The following ZBTB20 variants were observed in gnomAD, a reference collection of about 807,000 sequenced individuals.
ZBTB20 encodes the protein zinc finger and BTB domain-containing protein 20.
A neutral mutation model predicts 56.9 loss-of-function variants in ZBTB20; 9 were observed. The ratio of observed to expected loss-of-function variants is 0.16; its 90% confidence interval spans 0.10 to 0.28. ZBTB20 has a LOEUF of 0.28. Among genes scored for constraint, ZBTB20 ranks in the 10% least tolerant of loss-of-function variants. The probability of loss-of-function intolerance (pLI) is 1.00; values close to 1 mark genes in which losing one functional copy is unlikely to be tolerated. For missense variants in ZBTB20, 655 were observed against 1,003.0 expected (o/e 0.65, Z 4.69); for synonymous variants, 417 against 420.7 (o/e 0.99, Z 0.11).
intron 10 of ZBTB20, among the ~76,000 whole-genome samples, chr3:114,372,658 C>T (rs918882290): frequency 3.3e-5 from 5 of 151,854 alleles, no homozygotes; most frequent in African/African-American, 1.2e-4. Flanking sequence ...TCAAATCTCA[C>T]CTCTAAAATA....
At position 114,751,289 on chromosome 3, in the gene ZBTB20, C is replaced by T. The variant is rs183159919; in HGVS notation, c.-343+49812G>A. On this transcript the variant is annotated intron_variant, in intron 5 of 11. Transcript: ENST00000675478. ...CAAGAACTCTACCAAGGACTATACA[C>T]ACTCACCATGTAATGAAGATATTAT... 3.3e-3 allele frequency among the ~76,000 whole-genome samples: 500 copies of T among 152,246 alleles called. 4 individuals carry two copies. The highest frequency in any genetic ancestry group is 0.011 in the African/African-American group (471 of 41,568).
chr3:114,921,827 A>G (rs2075971550), intron 3 of ZBTB20, among the ~76,000 whole-genome samples: 1 of 152,090 alleles, frequency 6.6e-6, no homozygotes, highest in African/African-American at 2.4e-5. Flanking sequence ...ACAAACCTGC[A>G]CGTTGTGCAC....
At chr3:114,714,675 A>T (rs2064337313) in intron 5 of ZBTB20, among the ~76,000 whole-genome samples, 1 of 152,226 alleles carries the variant, frequency 6.6e-6, no homozygotes, top group Admixed American at 6.5e-5. Flanking sequence ...ACATTATACA[A>T]GGTGCAGGCT....
chr3:114,676,841 C>T (rs1347294834), intron 6 of ZBTB20, among the ~76,000 whole-genome samples: 1 of 144,384 alleles, frequency 6.9e-6, no homozygotes, highest in Non-Finnish European at 1.5e-5. Flanking sequence ...GTGGCACGAT[C>T]TGGGCTCACT....
chr3:114,709,642 G>T (rs1019054656), intron 5 of ZBTB20, among the ~76,000 whole-genome samples: 1 of 152,118 alleles, frequency 6.6e-6, no homozygotes, highest in African/African-American at 2.4e-5. Context: ...AAGTGCTAGG[G>T]CCTTTCCATA....
At chr3:114,664,695 T>C (rs1289521334) in intron 6 of ZBTB20, among the ~76,000 whole-genome samples, 2 of 151,976 alleles carry the variant, frequency 1.3e-5, no homozygotes, top group Admixed American at 1.3e-4. Context: ...AGCTGCTTTA[T>C]ATATGCAGCA....
intron 5 of ZBTB20, chr3:114,710,255 CA>C (rs1434728416): frequency 2.6e-5 from 4 of 152,088 alleles, no homozygotes; most frequent in Non-Finnish European, 5.9e-5. Context: ...TAATATGGGA[CA>C]TGTATATTTA....
chr3:114,452,899 C>A (rs1044658298), intron 7 of ZBTB20, among the ~76,000 whole-genome samples: 1 of 151,934 alleles, frequency 6.6e-6, no homozygotes, highest in Non-Finnish European at 1.5e-5. Flanking sequence ...TGTTTAGTTT[C>A]GTGTCTATAA....
At chr3:115,048,732 T>A (rs2081428482) in intron 2 of ZBTB20, among the ~76,000 whole-genome samples, 1 of 152,190 alleles carries the variant, frequency 6.6e-6, no homozygotes, top group African/African-American at 2.4e-5. Context: ...GTGAAACCAA[T>A]GATTTACCCT....
At chr3:114,800,246 G>A (rs2071615463) in intron 5 of ZBTB20, among the ~76,000 whole-genome samples, 2 of 151,892 alleles carry the variant, frequency 1.3e-5, no homozygotes, top group South Asian at 2.1e-4. Flanking sequence ...ACCTTTGAGT[G>A]CAGCATTAAA....
intron 2 of ZBTB20, among the ~76,000 whole-genome samples, chr3:115,017,675 A>T (rs1037063997): frequency 1.3e-5 from 2 of 151,540 alleles, no homozygotes; most frequent in African/African-American, 4.8e-5. Flanking sequence ...TAAGGATTTT[A>T]AAAAGTTAAA....
At chr3:114,774,734 T>A (rs766781096) in intron 5 of ZBTB20, among the ~76,000 whole-genome samples, 22 of 152,216 alleles carry the variant, frequency 1.4e-4, no homozygotes, top group Non-Finnish European at 2.9e-4. Context: ...TCTGCTTTGC[T>A]TAACCTTCTC....
chr3:114,984,640 T>C (rs557678121), intron 2 of ZBTB20, among the ~76,000 whole-genome samples: 1 of 152,216 alleles, frequency 6.6e-6, no homozygotes, highest in African/African-American at 2.4e-5. Context: ...AAGACACCTA[T>C]GAATGGCCTT....
At chr3:114,989,435 G>A (rs2078701305) in intron 2 of ZBTB20, among the ~76,000 whole-genome samples, 1 of 152,080 alleles carries the variant, frequency 6.6e-6, no homozygotes, top group East Asian at 1.9e-4. Context: ...TATTTCTGAG[G>A]GCTCTGTTCT....
chr3:114,551,152 T>G (rs954638397), intron 6 of ZBTB20, among the ~76,000 whole-genome samples: 1 of 152,224 alleles, frequency 6.6e-6, no homozygotes, highest in Non-Finnish European at 1.5e-5. Context: ...AATCGATTGT[T>G]TTTTAATCGA....
chr3:114,361,314 T>G (rs1983393), intron 10 of ZBTB20, among the ~76,000 whole-genome samples: 150,049 of 152,324 alleles, frequency 0.99, 73,914 homozygotes, highest in East Asian at 1. Context: ...TCCTCACCAA[T>G]TCTTATCATC....
rs1466553790 is a variant in ZBTB20 at position 114,930,516 on chromosome 3, C to G, written c.-455-30174G>C. 5 of 154,944 alleles carry G rather than the reference C, an allele frequency of 3.2e-5. No homozygotes were observed. The Admixed American group carries it at 3.3e-4, about 10-fold the overall frequency. The allele number at this position is 154,944 out of a possible 1,614,324, so 9.6% of individuals were successfully genotyped here. On this transcript the variant is annotated intron_variant, in intron 3 of 11. Coordinates refer to ENST00000675478, the MANE Select transcript of ZBTB20 (RefSeq NM_001348800.3). ...ACAGTCACCCCAGAAGGAGCCACAACCCTGCAGCCAGCAGGTCACCATCAC... is the reference window on the plus strand; with the variant it reads ...ACAGTCACCCCAGAAGGAGCCACAAGCCTGCAGCCAGCAGGTCACCATCAC...
chr3:115,004,713 C>A (rs2079394941), intron 2 of ZBTB20, among the ~76,000 whole-genome samples: 1 of 151,644 alleles, frequency 6.6e-6, no homozygotes, highest in African/African-American at 2.4e-5. Context: ...CATAATATTT[C>A]TTTAACTGAG....
At chr3:114,641,964 G>A (rs975228907) in intron 6 of ZBTB20, among the ~76,000 whole-genome samples, 2 of 151,874 alleles carry the variant, frequency 1.3e-5, no homozygotes, top group African/African-American at 2.4e-5. Flanking sequence ...AGGTAGAAAG[G>A]GCTAATCCTG....
Sources: allele counts gnomAD v4.1 joint callset (sites outside exome capture counted in the v4.1 genomes callset), GRCh38; gene constraint gnomAD v4.1.1; transcripts MANE v1.5; gene names NCBI Gene and HGNC (gene_info 2026-07-23, HGNC 2026-07-21).